The following TGFBR3 variants were observed in gnomAD, a reference collection of about 807,000 sequenced individuals.
The protein encoded by TGFBR3 is transforming growth factor beta receptor 3, also known as transforming growth factor beta receptor type 3.
In TGFBR3, 46 loss-of-function variants were observed where a neutral mutation model predicts 87.9. The observed-to-expected ratio is 0.52, with a 90% confidence interval of 0.41 to 0.67. TGFBR3 has a LOEUF of 0.67. Ranked by LOEUF, TGFBR3 falls within the 30% of genes least tolerant of loss-of-function variation. The pLI is 0.00. For synonymous variants in TGFBR3, 381 were observed against 391.6 expected, an observed-to-expected ratio of 0.97 and a Z score of 0.32; for missense variants, 866 against 1,041.9, an observed-to-expected ratio of 0.83 and a Z score of 2.32.
At chr1:91,700,573 C>G (rs1443424965) in intron 14 of TGFBR3, among the ~76,000 whole-genome samples, 1 of 152,082 alleles carries the variant, frequency 6.6e-6, no homozygotes, top group African/African-American at 2.4e-5. Flanking sequence ...CATAGTGGCC[C>G]TGGAATGAGG....
At chr1:91,798,734 C>T (rs1162078518) in intron 2 of TGFBR3, among the ~76,000 whole-genome samples, 1 of 152,110 alleles carries the variant, frequency 6.6e-6, no homozygotes, top group African/African-American at 2.4e-5. Flanking sequence ...CAGTGCCTGG[C>T]ATATATGAGA....
intron 16 of TGFBR3, among the ~76,000 whole-genome samples, chr1:91,689,049 G>C (rs932288156): frequency 1.3e-5 from 2 of 152,108 alleles, no homozygotes; most frequent in Non-Finnish European, 2.9e-5. Context: ...TAAACACAGA[G>C]GTTAAGATGA....
At chr1:91,825,282 T>G (rs1223912751) in intron 2 of TGFBR3, among the ~76,000 whole-genome samples, 1 of 152,168 alleles carries the variant, frequency 6.6e-6, no homozygotes, top group African/African-American at 2.4e-5. Flanking sequence ...GGTATATACA[T>G]AAAACAAAAT....
At chr1:91,842,624 T>C (rs192612556) in intron 2 of TGFBR3, among the ~76,000 whole-genome samples, 15 of 152,348 alleles carry the variant, frequency 9.8e-5, no homozygotes, top group East Asian at 3.9e-4. Flanking sequence ...TTTTTCTCCA[T>C]TGGGAGCACA....
intron 2 of TGFBR3, among the ~76,000 whole-genome samples, chr1:91,853,747 C>T (rs1677830563): frequency 6.6e-6 from 1 of 152,178 alleles, no homozygotes; most frequent in Admixed American, 6.5e-5. Context: ...GGAGCGGTGG[C>T]TCAGGCCTGT....
intron 4 of TGFBR3, among the ~76,000 whole-genome samples, chr1:91,755,366 G>A (rs868403115): frequency 3.9e-5 from 6 of 152,032 alleles, no homozygotes; most frequent in Middle Eastern, 3.2e-3. Context: ...TGCATCACTC[G>A]TTGTCTGCTG....
intron 13 of TGFBR3, among the ~76,000 whole-genome samples, chr1:91,710,219 A>G (rs1671931845): frequency 6.6e-6 from 1 of 152,212 alleles, no homozygotes; most frequent in Admixed American, 6.5e-5. Context: ...TGCTCTGAGC[A>G]ACATGCCAGT....
chr1:91,887,051 A>G (rs1679340181), upstream of TGFBR3, among the ~76,000 whole-genome samples: 1 of 152,044 alleles, frequency 6.6e-6, no homozygotes, highest in South Asian at 2.1e-4. Flanking sequence ...GTAACAGGAC[A>G]TTGTTTTACA....
chr1:91,702,543 G>C (rs541237567), intron 14 of TGFBR3, among the ~76,000 whole-genome samples: 10 of 152,028 alleles, frequency 6.6e-5, no homozygotes, highest in Non-Finnish European at 1.2e-4. Flanking sequence ...TCAGTTTCCT[G>C]CTTGAGATCT....
At chr1:91,777,174 A>G (rs543471543) in intron 3 of TGFBR3, among the ~76,000 whole-genome samples, 1 of 152,324 alleles carries the variant, frequency 6.6e-6, no homozygotes, top group East Asian at 1.9e-4. Context: ...GTAAAGCTAG[A>G]GGTTTCTCCC....
At chr1:91,709,094 T>C (rs1042210505) in intron 13 of TGFBR3, among the ~76,000 whole-genome samples, 1 of 152,192 alleles carries the variant, frequency 6.6e-6, no homozygotes. Flanking sequence ...AAAAACTATA[T>C]GCCTAGTGTT....
intron 1 of TGFBR3, among the ~76,000 whole-genome samples, chr1:91,903,459 G>A (rs554978194): frequency 3.3e-4 from 48 of 147,518 alleles, no homozygotes; most frequent in African/African-American, 1.2e-3. Context: ...TAAGAATTTT[G>A]ACAGGCTAGG....
chr1:91,865,517 A>G (rs756386412), intron 1 of TGFBR3, among the ~76,000 whole-genome samples: 3 of 152,196 alleles, frequency 2.0e-5, no homozygotes, highest in Non-Finnish European at 4.4e-5. Flanking sequence ...TTGGAATAAT[A>G]GTCATTTTCC....
intron 3 of TGFBR3, among the ~76,000 whole-genome samples, chr1:91,776,206 T>C (rs1032490113): frequency 2.0e-5 from 3 of 152,190 alleles, no homozygotes; most frequent in Non-Finnish European, 4.4e-5. Flanking sequence ...CTTGAGATCA[T>C]CTAAATGGGA....
chr1:91,835,644 C>T (rs1211911050), intron 2 of TGFBR3, among the ~76,000 whole-genome samples: 3 of 151,618 alleles, frequency 2.0e-5, no homozygotes, highest in South Asian at 2.1e-4. Flanking sequence ...CTGGCTAACA[C>T]GGTGAAACCC....
At chr1:91,862,187 G>C (rs1678229766) in intron 1 of TGFBR3, 1 of 152,690 alleles carries the variant, frequency 6.5e-6, no homozygotes, top group Non-Finnish European at 1.5e-5. Flanking sequence ...TGGTTTTATA[G>C]AGAATTTTCA....
intron 16 of TGFBR3, among the ~76,000 whole-genome samples, chr1:91,692,237 G>T (rs1671291823): frequency 6.6e-6 from 1 of 152,130 alleles, no homozygotes; most frequent in Non-Finnish European, 1.5e-5. Context: ...ATAACAGGAG[G>T]TCTAGAGCAA....
At chr1:91,823,363 G>C (rs1420851616) in intron 2 of TGFBR3, among the ~76,000 whole-genome samples, 1 of 152,174 alleles carries the variant, frequency 6.6e-6, no homozygotes, top group Non-Finnish European at 1.5e-5. Context: ...AGCAATTACA[G>C]TCCTAGGTAT....
At chr1:91,848,028 C>T (rs1423259344) in intron 2 of TGFBR3, among the ~76,000 whole-genome samples, 2 of 152,184 alleles carry the variant, frequency 1.3e-5, no homozygotes, top group Admixed American at 6.5e-5. Flanking sequence ...AGGTGCACCA[C>T]ACTTACAGTC....
Sources: gnomAD v4.1 joint callset for allele counts (sites outside exome capture counted in the v4.1 genomes callset) on GRCh38, gnomAD v4.1.1 for gene constraint, MANE v1.5 for transcripts, NCBI Gene and HGNC (gene_info 2026-07-23, HGNC 2026-07-21) for gene names.